UBXN4: variants seen among roughly 807,000 people sequenced by gnomAD.
UBXN4 encodes the protein UBX domain-containing protein 4.
UBXN4 carries 35 observed loss-of-function variants against 66.2 expected under a neutral mutation model. The observed-to-expected ratio is 0.53, with a 90% confidence interval of 0.40 to 0.70. The LOEUF (loss-of-function observed/expected upper bound fraction) is 0.70. Among genes scored for constraint, UBXN4 ranks in the 30% least tolerant of loss-of-function variants. The pLI, the probability that UBXN4 is intolerant of heterozygous loss-of-function variation, is 0.00. For synonymous variants in UBXN4, 203 were observed against 204.5 expected, an observed-to-expected ratio of 0.99 and a Z score of 0.06; for missense variants, 533 against 599.8, an observed-to-expected ratio of 0.89 and a Z score of 1.16.
chr2:135,749,493 T>A (rs2077229255), intron 2 of UBXN4, among the ~76,000 whole-genome samples: 1 of 152,236 alleles, frequency 6.6e-6, no homozygotes, highest in African/African-American at 2.4e-5. Context: ...ACTTGTCTAC[T>A]AGCTTTGGTA....
Position 135,743,515 on chromosome 2 carries a change from G to A in UBXN4, c.82+1504G>A, listed in dbSNP as rs533062564. ...TTTTATAGATGAGGCACTTAGGTCA[G>A]CAGTCATAAAGTGACTTGCACTAGG... is the stretch of plus-strand genomic sequence containing the variant. On this transcript the variant is annotated intron_variant, in intron 1 of 12. Coordinates refer to ENST00000272638, the MANE Select transcript of UBXN4 (RefSeq NM_014607.4). 1.2e-4 allele frequency among the ~76,000 whole-genome samples: 18 copies of A among 152,260 alleles called. No individual in the cohort carries two copies. In the South Asian group the frequency reaches 3.1e-3, roughly 26 times the overall value.
At chr2:135,764,128 TAAATAAAATA>T (rs139571168) in intron 6 of UBXN4, among the ~76,000 whole-genome samples, 7 of 150,614 alleles carry the variant, frequency 4.6e-5, no homozygotes, top group Admixed American at 3.3e-4. Context: ...CGTCTCAAAA[TAAATAAAATA>T]AAATAAAATA....
intron 2 of UBXN4, among the ~76,000 whole-genome samples, chr2:135,749,766 T>A (rs996599903): frequency 6.6e-6 from 1 of 152,270 alleles, no homozygotes; most frequent in Non-Finnish European, 1.5e-5. Flanking sequence ...ATTACTTTAT[T>A]GCAGTTTTTT....
intron 1 of UBXN4, among the ~76,000 whole-genome samples, chr2:135,746,977 G>T (rs1485805996): frequency 1.3e-5 from 2 of 151,970 alleles, no homozygotes; most frequent in African/African-American, 2.4e-5. Context: ...AGATGTGATA[G>T]CTTGGATCAG....
At chr2:135,757,089 T>C (rs1217026181) in intron 5 of UBXN4, among the ~76,000 whole-genome samples, 2 of 152,248 alleles carry the variant, frequency 1.3e-5, no homozygotes, top group Non-Finnish European at 2.9e-5. Context: ...TCTGTAAATG[T>C]GTGACTTTCA....
At chr2:135,767,633 A>G (rs1335373276) in intron 6 of UBXN4, among the ~76,000 whole-genome samples, 1 of 152,086 alleles carries the variant, frequency 6.6e-6, no homozygotes, top group African/African-American at 2.4e-5. Flanking sequence ...GTTTGACTCT[A>G]CCTTGATTTA....
At chr2:135,753,431 A>T in intron 2 of UBXN4, 108 bp from the exon 3 acceptor site, 1 of 821,380 alleles carries the variant, frequency 1.2e-6, no homozygotes, top group Middle Eastern at 2.5e-4. Flanking sequence ...AGAAACTGGT[A>T]GTTGCAGGAA....
At chr2:135,742,572 T>A (rs2077182590) in intron 1 of UBXN4, 1 of 152,550 alleles carries the variant, frequency 6.6e-6, no homozygotes, top group Non-Finnish European at 1.5e-5. Context: ...AACGCCCGTT[T>A]CGTTACTGCT....
chr2:135,778,198 AC>A (rs1419326939), intron 10 of UBXN4, among the ~76,000 whole-genome samples: 2 of 151,094 alleles, frequency 1.3e-5, no homozygotes, highest in Non-Finnish European at 3.0e-5. Flanking sequence ...ACAAAAAAAA[AC>A]CCAAAAAACA....
Position 135,762,991 on chromosome 2 carries a change from A to T in UBXN4, c.602+1080A>T, listed in dbSNP as rs369132021. On this transcript the variant is annotated intron_variant, in intron 6 of 12. Coordinates refer to ENST00000272638, the MANE Select transcript of UBXN4 (RefSeq NM_014607.4). ...GTGGGGTCAGGCGCTATTTAGTTAT[A>T]CTGGAAAAAGTTTTTAATAGCCTCC... Among the ~76,000 whole-genome samples the T allele has an allele frequency of 8.2e-4, 125 of 152,282 alleles. 8 individuals are homozygous for T. The Middle Eastern group carries it at 0.11, about 133-fold the overall frequency.
At chr2:135,754,530 C>G (rs1329572823) in intron 4 of UBXN4, among the ~76,000 whole-genome samples, 1 of 152,074 alleles carries the variant, frequency 6.6e-6, no homozygotes, top group Non-Finnish European at 1.5e-5. Flanking sequence ...ACCATGTTGG[C>G]CAGGCTGGTC....
intron 5 of UBXN4, among the ~76,000 whole-genome samples, chr2:135,760,661 CAT>C (rs1444734694): frequency 6.6e-6 from 1 of 152,178 alleles, no homozygotes; most frequent in Non-Finnish European, 1.5e-5. Context: ...GATAATAAGA[CAT>C]GTCCTCAGCA....
Position 135,783,809 on chromosome 2 carries a change from C to T in UBXN4, c.*922C>T, listed in dbSNP as rs2077465131. The T allele has an allele frequency of 6.6e-6, 1 of 152,144 alleles. No individual in the cohort carries two copies. Among genetic ancestry groups the T allele is most frequent in the South Asian group, 2.1e-4 (1 of 4,828 alleles). 9.4% of individuals were successfully genotyped at this position (152,144 alleles called of 1,614,324 possible). On this transcript the variant is annotated 3_prime_UTR_variant, in exon 13 of 13. Transcript: ENST00000272638. Reference sequence around the variant, plus strand: ...TATAGAATAAAAATATGCCTTTAGTCATTTGGTTTTTCTTAAAAAGTTGAG... The same window carrying T: ...TATAGAATAAAAATATGCCTTTAGTTATTTGGTTTTTCTTAAAAAGTTGAG...
intron 9 of UBXN4, among the ~76,000 whole-genome samples, chr2:135,775,723 T>A (rs1260151982): frequency 6.6e-6 from 1 of 152,152 alleles, no homozygotes; most frequent in Non-Finnish European, 1.5e-5. Context: ...AGTTGCACAA[T>A]TCTGAATATA....
intron 6 of UBXN4, among the ~76,000 whole-genome samples, chr2:135,763,230 ACC>A (rs2077326027): frequency 6.6e-6 from 1 of 152,176 alleles, no homozygotes; most frequent in Non-Finnish European, 1.5e-5. Context: ...CATTATTTAT[ACC>A]CTAAGAGTTG....
chr2:135,757,565 C>T (rs2077285921), intron 5 of UBXN4, among the ~76,000 whole-genome samples: 1 of 152,038 alleles, frequency 6.6e-6, no homozygotes, highest in Non-Finnish European at 1.5e-5. Context: ...TCACCTTTAC[C>T]CTTTAGAATG....
At chr2:135,747,576 T>C in intron 1 of UBXN4, 1 of 456,400 alleles carries the variant, frequency 2.2e-6, no homozygotes, top group South Asian at 1.5e-5. Context: ...GTATAAATGC[T>C]GTGGAGTGGA....
rs2077463820 is a variant in UBXN4, at chr2:135,783,651, G to A, written c.*764G>A. 1 of 152,170 alleles carries A rather than the reference G, an allele frequency of 6.6e-6. No homozygotes were observed. Among genetic ancestry groups the A allele is most frequent in the Non-Finnish European group, 1.5e-5 (1 of 68,030 alleles). 9.4% of individuals were successfully genotyped at this position (152,170 alleles called of 1,614,324 possible). A position where few individuals can be genotyped will look rare whatever the true frequency, so the allele number is the denominator to read the frequency against. ...TCACTTTGTTTGCATAAAGTATACGGTTTGTTAAGGCCTTTGTTCTTGTGA... is the reference window on the plus strand; with the variant it reads ...TCACTTTGTTTGCATAAAGTATACGATTTGTTAAGGCCTTTGTTCTTGTGA... On this transcript the variant is annotated 3_prime_UTR_variant, in exon 13 of 13. Coordinates refer to ENST00000272638, the MANE Select transcript of UBXN4 (RefSeq NM_014607.4).
intron 1 of UBXN4, among the ~76,000 whole-genome samples, chr2:135,743,500 G>A (rs2077190127): frequency 6.6e-6 from 1 of 152,164 alleles, no homozygotes; most frequent in Non-Finnish European, 1.5e-5. Flanking sequence ...TTTTATAGAT[G>A]AGGCACTTAG....
Sources: allele counts gnomAD v4.1 joint callset (sites outside exome capture counted in the v4.1 genomes callset), GRCh38; gene constraint gnomAD v4.1.1; transcripts MANE v1.5; gene names NCBI Gene and HGNC (gene_info 2026-07-23, HGNC 2026-07-21).